TIGAR: variants seen among roughly 807,000 people sequenced by gnomAD.
TIGAR encodes the protein TP53 induced glycolysis regulatory phosphatase, also known as fructose-2,6-bisphosphatase TIGAR.
Under a neutral mutation model 17.9 loss-of-function variants are expected in TIGAR, and 7 were observed. That is an observed-to-expected ratio of 0.39 (90% confidence interval 0.22 to 0.73). The LOEUF (loss-of-function observed/expected upper bound fraction) is 0.73, where lower values mean the gene tolerates loss of function less well. Ranked by LOEUF, TIGAR falls within the 30% of genes least tolerant of loss-of-function variation. The pLI, the probability that TIGAR is intolerant of heterozygous loss-of-function variation, is 0.42. For synonymous variants in TIGAR, 94 were observed against 108.6 expected (o/e 0.87, Z 0.84); for missense variants, 258 against 327.4 (o/e 0.79, Z 1.64).
At chr12:4,324,449 T>TGGA in intron 1 of TIGAR, 2 of 1,553,804 alleles carry the variant, frequency 1.3e-6, no homozygotes, top group Non-Finnish European at 1.8e-6. Context: ...TTATAGGTGA[T>TGGA]GGAGAACTCG....
intron 1 of TIGAR, among the ~76,000 whole-genome samples, chr12:4,322,529 A>C (rs1864492308): frequency 6.6e-6 from 1 of 152,266 alleles, no homozygotes; most frequent in Non-Finnish European, 1.5e-5. Flanking sequence ...GTTGATTCCC[A>C]AATACGAACG....
intron 2 of TIGAR, among the ~76,000 whole-genome samples, chr12:4,336,047 A>G (rs1448790784): frequency 3.3e-5 from 5 of 152,176 alleles, no homozygotes; most frequent in South Asian, 2.1e-4. Context: ...GCTGATTTCA[A>G]TGTCTGAAGT....
At position 4,352,431 on chromosome 12, in the gene TIGAR, G is replaced by A. The variant is rs929663589; in HGVS notation, c.553G>A (p.Gly185Ser). The A allele has an allele frequency of 2.5e-6, 4 of 1,614,130 alleles. No homozygotes were observed. Among genetic ancestry groups the A allele is most frequent in the Non-Finnish European group, 2.5e-6 (3 of 1,180,028 alleles). ...NHSSKVNSDS[G>S]IPGLAASVLV... ...CAGCTCTAAAGTTAATTCAGACAGC[G>A]GTATTCCAGGATTAGCAGCCAGTGT... Residue 185 changes from glycine (G) to serine (S), a missense_variant, in exon 6 of 6, where the codon GGT (glycine) becomes AGT (serine). Transcript: ENST00000179259.
chr12:4,321,301 G>A lies in TIGAR; in HGVS notation c.30G>A (p.Arg10=), dbSNP rs1258600913. 6.2e-7 allele frequency: 1 copy of A among 1,601,348 alleles called. No homozygotes were observed. The highest frequency in any genetic ancestry group is 8.5e-7 in the Non-Finnish European group (1 of 1,179,800). ...CTCGCTTCGCTCTGACTGTTGTCCG[G>A]CAGTGAGTATGGCTGTGGCAGGATG... is the stretch of plus-strand genomic sequence containing the variant. MARFALTVV[R]HGETRFNKEK... Residue 10 remains arginine, a splice_region_variant and synonymous_variant, in exon 1 of 6, where the codon CGG becomes CGA. Coordinates refer to ENST00000179259, the MANE Select transcript of TIGAR (RefSeq NM_020375.3). The surrounding 1 kb of genome is among the most constrained non-coding windows in gnomAD (Gnocchi z 5.2).
intron 3 of TIGAR, among the ~76,000 whole-genome samples, chr12:4,339,011 T>C (rs551851619): frequency 1.6e-4 from 18 of 114,444 alleles, no homozygotes; most frequent in African/African-American, 5.4e-4. Flanking sequence ...CAGAAAGAAC[T>C]AGAAAAGCAA....
chr12:4,338,610 C>T (rs1413561157), intron 3 of TIGAR, among the ~76,000 whole-genome samples: 1 of 151,858 alleles, frequency 6.6e-6, no homozygotes, highest in South Asian at 2.1e-4. Flanking sequence ...CACAATATAC[C>T]AAAACCTGTG....
intron 3 of TIGAR, among the ~76,000 whole-genome samples, chr12:4,341,363 C>T (rs1864718674): frequency 6.6e-6 from 1 of 152,116 alleles, no homozygotes; most frequent in African/African-American, 2.4e-5. Context: ...GTGATTTCTG[C>T]ATTTCCAACT....
intron 5 of TIGAR, among the ~76,000 whole-genome samples, chr12:4,351,910 G>C (rs1257149181): frequency 6.6e-6 from 1 of 152,164 alleles, no homozygotes; most frequent in East Asian, 1.9e-4. Context: ...TTGTTCCAGT[G>C]GCACTGAAGT....
chr12:4,351,483 C>T (rs1864838126), intron 5 of TIGAR, 106 bp downstream of exon 5: 3 of 801,706 alleles, frequency 3.7e-6, no homozygotes, highest in Non-Finnish European at 6.0e-6. Context: ...TTCTCTTTTC[C>T]ATTTTAAATT....
chr12:4,346,189 A>T (rs1433912153), intron 3 of TIGAR, among the ~76,000 whole-genome samples: 1 of 152,228 alleles, frequency 6.6e-6, no homozygotes, highest in African/African-American at 2.4e-5. Context: ...ATTGTGGAAG[A>T]CAGTGTGGCA....
chr12:4,358,452 C>T lies in TIGAR; in HGVS notation c.*5761C>T, dbSNP rs1321576095. Among the ~76,000 whole-genome samples, 1 of 152,118 alleles carries T rather than the reference C, an allele frequency of 6.6e-6. No homozygotes were observed. The highest frequency in any genetic ancestry group is 1.5e-5 in the Non-Finnish European group (1 of 68,038). ...GTAGAAGGAATGGCTGTATACTCTT[C>T]ACACTTATTCACCACTTGCTTACCT... On this transcript the variant is annotated 3_prime_UTR_variant, in exon 6 of 6. Transcript: ENST00000179259.
In TIGAR at chr12:4,331,285, A is replaced by G. The variant is rs1161841765; in HGVS notation, c.38A>G (p.Glu13Gly). ...TCCTTCTCTTTCTATTTTAGTGGAG[A>G]AACAAGATTTAACAAGGAGAAAATA... Reference protein sequence around the residue: ...RFALTVVRHGETRFNKEKIIQ... With the variant: ...RFALTVVRHGGTRFNKEKIIQ... Residue 13 changes from glutamate to glycine, a missense_variant, in exon 2 of 6, where the codon GAA becomes GGA. Glu to Gly is a moderately conservative substitution (Grantham distance 98, BLOSUM62 -2). Transcript: ENST00000179259. The G allele has an allele frequency of 2.5e-6, 4 of 1,609,960 alleles. No homozygotes were observed. The highest frequency in any genetic ancestry group is 3.4e-6 in the Non-Finnish European group (4 of 1,176,260).
intron 3 of TIGAR, among the ~76,000 whole-genome samples, chr12:4,346,247 C>T (rs536936638): frequency 2.0e-5 from 3 of 152,282 alleles, no homozygotes; most frequent in East Asian, 3.9e-4. Flanking sequence ...CCAGCCATCC[C>T]ATTTCTGGGT....
chr12:4,331,372 T>G, intron 2 of TIGAR, 55 bp downstream of exon 2: 1 of 1,555,472 alleles, frequency 6.4e-7, no homozygotes, highest in Non-Finnish European at 8.9e-7. Flanking sequence ...ATAAGATGTG[T>G]GAGTTAAGCA....
At position 4,357,698 on chromosome 12, in the gene TIGAR, G is replaced by C. The variant is rs1165575499; in HGVS notation, c.*5007G>C. ...TTCATTGTTCAGCAATATGGCCTAA[G>C]GGGGTGATTTCTTCATTGATAAGTG... is the stretch of plus-strand genomic sequence containing the variant. On this transcript the variant is annotated 3_prime_UTR_variant, in exon 6 of 6. Transcript: ENST00000179259. 6.6e-6 allele frequency among the ~76,000 whole-genome samples: 1 copy of C among 152,154 alleles called. No individual in the cohort carries two copies. The highest frequency in any genetic ancestry group is 1.5e-5 in the Non-Finnish European group (1 of 68,016).
chr12:4,328,569 G>T (rs1864570763), intron 1 of TIGAR, among the ~76,000 whole-genome samples: 1 of 149,354 alleles, frequency 6.7e-6, no homozygotes, highest in Non-Finnish European at 1.5e-5. Flanking sequence ...GGTATAAATA[G>T]TTCCATGTAT....
chr12:4,336,725 C>T (rs576364014), intron 2 of TIGAR, among the ~76,000 whole-genome samples: 1 of 152,050 alleles, frequency 6.6e-6, no homozygotes, highest in Non-Finnish European at 1.5e-5. Context: ...CAACACAGTA[C>T]CTGTAAGATC....
intron 1 of TIGAR, chr12:4,324,323 C>CTTTTTT (rs34096957): frequency 4.1e-5 from 26 of 627,986 alleles, no homozygotes; most frequent in South Asian, 1.3e-4. Flanking sequence ...ATTTAACTTC[C>CTTTTTT]TTTTTTTTTT....
At chr12:4,351,882 A>T (rs1229142325) in intron 5 of TIGAR, among the ~76,000 whole-genome samples, 3 of 152,170 alleles carry the variant, frequency 2.0e-5, no homozygotes, top group Non-Finnish European at 4.4e-5. Flanking sequence ...TTAGTAAGGG[A>T]AGGATTTGTT....
Sources: gnomAD v4.1 joint callset for allele counts (sites outside exome capture counted in the v4.1 genomes callset) on GRCh38, gnomAD v4.1.1 for gene constraint, Gnocchi (gnomAD v3.1) non-coding constraint, MANE v1.5 for transcripts, NCBI Gene and HGNC (gene_info 2026-07-23, HGNC 2026-07-21) for gene names.